Variants in NBEA observed in about 807,000 individuals in gnomAD.
The protein encoded by NBEA is lysosomal-trafficking regulator 2.
NBEA carries 44 observed loss-of-function variants against 343.4 expected under a neutral mutation model. That is an observed-to-expected ratio of 0.13 (90% CI 0.10 to 0.16). The LOEUF (loss-of-function observed/expected upper bound fraction) is 0.16. Ranked by LOEUF, NBEA falls within the 10% of genes least tolerant of loss-of-function variation. The pLI is 1.00. For synonymous variants in NBEA, 1,175 were observed against 1,238.7 expected (o/e 0.95, Z 1.08); for missense variants, 2,555 against 3,631.3 (o/e 0.70, Z 7.62).
intron 41 of NBEA, chr13:35,475,443 C>T (rs146029187): frequency 1.8e-5 from 29 of 1,613,232 alleles, no homozygotes; most frequent in Middle Eastern, 1.6e-4. Flanking sequence ...CCGCGAACTG[C>T]AGCACCCAGG....
At chr13:35,001,072 G>A (rs560948265) in intron 1 of NBEA, among the ~76,000 whole-genome samples, 55 of 152,120 alleles carry the variant, frequency 3.6e-4, no homozygotes, top group African/African-American at 1.3e-3. Flanking sequence ...GAGTAGTTGG[G>A]ACTATAGGTG....
rs574263112 is a variant in NBEA, at chr13:35,347,830, T to C, written c.5904-1278T>C. Among the ~76,000 whole-genome samples, 3 of 152,146 alleles carry C rather than the reference T, an allele frequency of 2.0e-5. No individual in the cohort carries two copies. The South Asian group carries it at 6.2e-4, about 32-fold the overall frequency. ...CATGTGGAGTTGCCTGGGTCTGCAG[T>C]GTCCTGAATGTGACTTACTTTGGGC... On this transcript the variant is annotated intron_variant, in intron 36 of 58. Coordinates refer to ENST00000379939, the MANE Select transcript of NBEA (RefSeq NM_001385012.1).
At chr13:35,610,997 C>T (rs1401481439) in intron 48 of NBEA, among the ~76,000 whole-genome samples, 1 of 150,596 alleles carries the variant, frequency 6.6e-6, no homozygotes, top group South Asian at 2.1e-4. Context: ...ATTGAAACCA[C>T]AGTAAGCTAC....
chr13:35,224,264 G>A (rs1204248410), intron 33 of NBEA, among the ~76,000 whole-genome samples: 1 of 151,834 alleles, frequency 6.6e-6, no homozygotes. Flanking sequence ...AATTCTTTTT[G>A]CCATGTAATA....
chr13:35,513,943 T>C (rs1237132972), intron 41 of NBEA, among the ~76,000 whole-genome samples: 1 of 152,198 alleles, frequency 6.6e-6, no homozygotes, highest in Non-Finnish European at 1.5e-5. Context: ...CATAACTATT[T>C]GTAACATATT....
intron 49 of NBEA, among the ~76,000 whole-genome samples, chr13:35,640,050 C>T (rs898023576): frequency 1.0e-4 from 15 of 150,232 alleles, no homozygotes; most frequent in African/African-American, 1.5e-4. Flanking sequence ...ACAAGATTAA[C>T]GAAAGTTTTT....
intron 8 of NBEA, among the ~76,000 whole-genome samples, chr13:35,065,303 A>G (rs1346827020): frequency 5.9e-5 from 9 of 151,882 alleles, no homozygotes; most frequent in African/African-American, 2.2e-4. Context: ...GGCATGAGGT[A>G]TTGGTATTGA....
chr13:35,070,744 C>T lies in NBEA; in HGVS notation c.1463C>T (p.Ser488Leu). 6.3e-7 allele frequency: 1 copy of T among 1,596,008 alleles called. No individual in the cohort carries two copies. The highest frequency in any genetic ancestry group is 8.6e-7 in the Non-Finnish European group (1 of 1,169,438). The change falls in exon 10 of 59, where the codon TCA becomes TTA. Residue 488 changes from serine (S) to leucine (L), a missense_variant. This residue lies in a region of NBEA where 360 missense variants were observed against 519.1 expected (regional missense o/e 0.69). Transcript: ENST00000379939. ...LQDVKAIVTH[S>L]IHSAIHSIGG... Reference sequence around the variant, plus strand: ...GATGTGAAAGCGATAGTAACACATTCAATTCATAGTGCAATTCATTCAATT... The same window carrying T: ...GATGTGAAAGCGATAGTAACACATTTAATTCATAGTGCAATTCATTCAATT...
intron 17 of NBEA, among the ~76,000 whole-genome samples, chr13:35,133,953 G>A (rs910691666): frequency 1.8e-4 from 28 of 151,692 alleles, no homozygotes; most frequent in African/African-American, 5.1e-4. Flanking sequence ...GTAAAGAAAC[G>A]TATAGCAAAC....
chr13:35,237,871 C>T (rs534860442), intron 34 of NBEA, among the ~76,000 whole-genome samples: 5 of 151,886 alleles, frequency 3.3e-5, no homozygotes, highest in Admixed American at 6.6e-5. Context: ...TTTTTATTGT[C>T]GGTGTCCTTT....
chr13:35,138,172 C>A (rs1366440303), intron 17 of NBEA, among the ~76,000 whole-genome samples: 1 of 151,996 alleles, frequency 6.6e-6, no homozygotes, highest in Non-Finnish European at 1.5e-5. Context: ...TTTTTACATA[C>A]CAAATTGACT....
Position 35,201,850 on chromosome 13 carries a change from G to A in NBEA, c.5366+5548G>A, listed in dbSNP as rs375864924. Among the ~76,000 whole-genome samples, 20 of 152,132 alleles carry A rather than the reference G, an allele frequency of 1.3e-4. No homozygotes were observed. The East Asian group carries it at 2.5e-3, about 19-fold the overall frequency. The stretch of plus-strand genomic sequence containing the variant: ...TCTCAAACTACATTAGCCCCTCAGC[G>A]TCTCTAAGGTGGATTCTTTCTGTTA... On this transcript the variant is annotated intron_variant, in intron 31 of 58. Transcript: ENST00000379939.
chr13:35,164,087 A>G (rs1162994862), intron 23 of NBEA, among the ~76,000 whole-genome samples: 4 of 152,178 alleles, frequency 2.6e-5, no homozygotes, highest in Admixed American at 2.6e-4. Context: ...TTGTTGAGTC[A>G]GTCATATGTC....
intron 13 of NBEA, 38 bp downstream of exon 13, chr13:35,111,016 T>C: frequency 2.6e-6 from 4 of 1,516,252 alleles, no homozygotes; most frequent in Non-Finnish European, 3.6e-6. Flanking sequence ...CATTTGCCTA[T>C]GATTATTCTG....
chr13:35,462,702 A>C (rs1165265906), intron 40 of NBEA, among the ~76,000 whole-genome samples: 1 of 152,082 alleles, frequency 6.6e-6, no homozygotes, highest in African/African-American at 2.4e-5. Flanking sequence ...GCTTGACAGG[A>C]GGCTGTTTTC....
chr13:35,644,360 A>T (rs2084115731), intron 49 of NBEA, among the ~76,000 whole-genome samples: 1 of 152,208 alleles, frequency 6.6e-6, no homozygotes, highest in African/African-American at 2.4e-5. Flanking sequence ...CTCACTGAAG[A>T]GAACTGCACA....
At chr13:35,314,528 A>G (rs1460738186) in intron 36 of NBEA, among the ~76,000 whole-genome samples, 1 of 152,008 alleles carries the variant, frequency 6.6e-6, no homozygotes, top group East Asian at 1.9e-4. Flanking sequence ...ATATTTACCT[A>G]TCTATAGTGT....
At chr13:35,631,847 A>C (rs2083468818) in intron 49 of NBEA, among the ~76,000 whole-genome samples, 1 of 152,174 alleles carries the variant, frequency 6.6e-6, no homozygotes, top group Non-Finnish European at 1.5e-5. Flanking sequence ...TCTCTATGTC[A>C]GATTGAAAAT....
intron 41 of NBEA, among the ~76,000 whole-genome samples, chr13:35,508,800 CAGGTAAATCTGTG>C (rs904810653): frequency 4.6e-5 from 7 of 152,066 alleles, no homozygotes; most frequent in East Asian, 1.9e-4. Flanking sequence ...GTCTCAGCTG[CAGGTAAATCTGTG>C]AGGTAAATCT....
Sources: gnomAD v4.1 joint callset for allele counts (sites outside exome capture counted in the v4.1 genomes callset) on GRCh38, gnomAD v4.1.1 for gene constraint, gnomAD v4.1.1 regional missense constraint, MANE v1.5 for transcripts, NCBI Gene and HGNC (gene_info 2026-07-23, HGNC 2026-07-21) for gene names.